ROBO1: variants seen among roughly 807,000 people sequenced by gnomAD.
ROBO1 encodes roundabout guidance receptor 1.
In ROBO1, 149 loss-of-function variants were observed where a neutral mutation model predicts 195.9. The observed-to-expected ratio is 0.76, with a 90% CI of 0.67 to 0.87. The LOEUF is 0.87. ROBO1 is among the 40% of genes least tolerant of loss of function. The pLI is 0.00. For synonymous variants in ROBO1, 816 were observed against 733.2 expected (o/e 1.11, Z -1.82); for missense variants, 1,933 against 2,068.3 (o/e 0.93, Z 1.27).
rs758727362 is a variant in ROBO1 at position 78,717,765 on chromosome 3, A to C, written c.776T>G (p.Leu259Ter). 6.2e-7 allele frequency: 1 copy of C among 1,613,294 alleles called. No homozygotes were observed. Among genetic ancestry groups the C allele is most frequent in the Non-Finnish European group, 8.5e-7 (1 of 1,179,540 alleles). The change falls in exon 6 of 31, where the codon TTA becomes TGA. Residue 259 changes from leucine (L) to a stop codon, truncating the protein, a stop_gained and splice_region_variant. Transcript: ENST00000464233. LOFTEE classifies it high-confidence loss of function. The stretch of plus-strand genomic sequence containing the variant: ...AGATTAAATAAAATTACACTTACCT[A>C]AGACAGTCAGCTCGGCTACTTCACT... ...RESEVAELTV[L>*]ERPSFVKRPS...
Position 78,600,168 on chromosome 3 carries a change from T to G in ROBO1, c.4886A>C (p.Glu1629Ala). Residue 1629 changes from glutamate to alanine, a missense_variant, in exon 30 of 31, where the codon GAA becomes GCA. This residue lies in a region of ROBO1 where 1,737 missense variants were observed against 1,882.5 expected (regional missense o/e 0.92). Transcript: ENST00000464233. ...QANVGRRNIA[E>A]MQVLGGYERG... Reference sequence around the variant, plus strand: ...TTCATATCCTCCAAGTACCTGCATTTCTGCAATATTTCTTCGACCTACATT... The same window carrying G: ...TTCATATCCTCCAAGTACCTGCATTGCTGCAATATTTCTTCGACCTACATT... 1 of 1,613,548 alleles carries G rather than the reference T, an allele frequency of 6.2e-7. No homozygotes were observed. Among genetic ancestry groups the G allele is most frequent in the Non-Finnish European group, 8.5e-7 (1 of 1,179,626 alleles).
At chr3:79,081,930 C>T (rs927231938) in intron 3 of ROBO1, among the ~76,000 whole-genome samples, 3 of 152,102 alleles carry the variant, frequency 2.0e-5, no homozygotes, top group Non-Finnish European at 2.9e-5. Context: ...CATTTGCCTA[C>T]ATTGGTCTTT....
intron 1 of ROBO1, among the ~76,000 whole-genome samples, chr3:79,757,797 G>A (rs941916454): frequency 6.6e-6 from 1 of 151,152 alleles, no homozygotes; most frequent in Admixed American, 6.6e-5. Flanking sequence ...AAACATTAAG[G>A]GAAGGAATTA....
chr3:79,326,989 C>T (rs766485291), intron 2 of ROBO1, among the ~76,000 whole-genome samples: 2 of 152,112 alleles, frequency 1.3e-5, no homozygotes, highest in Non-Finnish European at 2.9e-5. Flanking sequence ...TCTCTCTAAG[C>T]TTCCTTTTAA....
chr3:78,962,722 G>A (rs2041430818), intron 3 of ROBO1, among the ~76,000 whole-genome samples: 1 of 148,898 alleles, frequency 6.7e-6, no homozygotes, highest in Non-Finnish European at 1.5e-5. Flanking sequence ...TACTCGGGAG[G>A]TTGAGGCAGG....
chr3:79,624,749 G>A (rs1179778310), intron 1 of ROBO1, among the ~76,000 whole-genome samples: 1 of 151,810 alleles, frequency 6.6e-6, no homozygotes, highest in Non-Finnish European at 1.5e-5. Context: ...CAATAATACT[G>A]GGAGACTTTA....
At chr3:79,628,394 A>G (rs1945242501) in intron 1 of ROBO1, among the ~76,000 whole-genome samples, 1 of 152,144 alleles carries the variant, frequency 6.6e-6, no homozygotes, top group Non-Finnish European at 1.5e-5. Context: ...CAGAAAACCA[A>G]ACACCGCATG....
At chr3:79,378,249 C>G (rs1169626323) in intron 2 of ROBO1, among the ~76,000 whole-genome samples, 1 of 151,790 alleles carries the variant, frequency 6.6e-6, no homozygotes, top group Non-Finnish European at 1.5e-5. Flanking sequence ...AGGCCTTAAC[C>G]AGGGCTTGCG....
intron 2 of ROBO1, among the ~76,000 whole-genome samples, chr3:79,196,763 A>G (rs1347974554): frequency 6.6e-6 from 1 of 151,778 alleles, no homozygotes; most frequent in Non-Finnish European, 1.5e-5. Flanking sequence ...GGTAGGATCC[A>G]TGGAAATGTA....
chr3:79,577,350 A>T (rs76545400), intron 2 of ROBO1, among the ~76,000 whole-genome samples: 109 of 152,300 alleles, frequency 7.2e-4, no homozygotes, highest in African/African-American at 2.5e-3. Flanking sequence ...AATATTAAGT[A>T]TTTAAAATTC....
At chr3:79,607,054 A>C (rs536267623) in intron 1 of ROBO1, among the ~76,000 whole-genome samples, 20 of 148,330 alleles carry the variant, frequency 1.3e-4, no homozygotes, top group African/African-American at 4.7e-4. Flanking sequence ...AGTTAATTTT[A>C]TTATTGCTTT....
intron 2 of ROBO1, among the ~76,000 whole-genome samples, chr3:79,342,790 C>T (rs1366999472): frequency 6.6e-6 from 1 of 152,014 alleles, no homozygotes; most frequent in Non-Finnish European, 1.5e-5. Context: ...TATAGCTTTC[C>T]CCAGTATCAA....
At chr3:79,663,638 A>G (rs1560080412) in intron 1 of ROBO1, among the ~76,000 whole-genome samples, 1 of 152,030 alleles carries the variant, frequency 6.6e-6, no homozygotes, top group Non-Finnish European at 1.5e-5. Context: ...GCATGTTGCC[A>G]TGCCTGGCTC....
intron 3 of ROBO1, among the ~76,000 whole-genome samples, chr3:79,029,579 T>C (rs1440771457): frequency 6.6e-6 from 1 of 152,218 alleles, no homozygotes; most frequent in Non-Finnish European, 1.5e-5. Flanking sequence ...TGGCAATGCA[T>C]ACAGAGATGT....
intron 2 of ROBO1, among the ~76,000 whole-genome samples, chr3:79,487,719 CT>C (rs201653113): frequency 0.025 from 3,757 of 152,192 alleles, 170 homozygotes; most frequent in African/African-American, 0.086. Context: ...GCTTCTGAAG[CT>C]TTTCTAAGCC....
At chr3:79,265,156 C>T (rs2083015774) in intron 2 of ROBO1, among the ~76,000 whole-genome samples, 1 of 151,726 alleles carries the variant, frequency 6.6e-6, no homozygotes, top group Non-Finnish European at 1.5e-5. Flanking sequence ...AGATAATATA[C>T]ATAAAATTAT....
At position 79,574,990 on chromosome 3, in the gene ROBO1, C is replaced by A. The variant is rs1287204262; in HGVS notation, c.88+14834G>T. 2.0e-5 allele frequency among the ~76,000 whole-genome samples: 3 copies of A among 150,246 alleles called. No homozygotes were observed. The Admixed American group carries it at 2.0e-4, about 10-fold the overall frequency. ...CTTTCTCTTGGCCAATTCTAGTAAA[C>A]ATTTCAATATCTCATTACATGTTTC... is the stretch of plus-strand genomic sequence containing the variant. On this transcript the variant is annotated intron_variant, in intron 2 of 30. Transcript: ENST00000464233.
At chr3:79,459,372 G>A (rs569998941) in intron 2 of ROBO1, among the ~76,000 whole-genome samples, 1 of 152,218 alleles carries the variant, frequency 6.6e-6, no homozygotes, top group Non-Finnish European at 1.5e-5. Context: ...AGTGTTAAGT[G>A]TGTGACACTG....
At chr3:79,253,643 G>A (rs916041433) in intron 2 of ROBO1, among the ~76,000 whole-genome samples, 7 of 152,124 alleles carry the variant, frequency 4.6e-5, no homozygotes, top group Non-Finnish European at 7.4e-5. Flanking sequence ...AAAGTTATAG[G>A]CACAGGCCAA....
Sources: gnomAD v4.1 joint callset for allele counts (sites outside exome capture counted in the v4.1 genomes callset) on GRCh38, gnomAD v4.1.1 for gene constraint, gnomAD v4.1.1 regional missense constraint, MANE v1.5 for transcripts, NCBI Gene and HGNC (gene_info 2026-07-23, HGNC 2026-07-21) for gene names.